Variants in DYNC2I1 observed in about 807,000 individuals in gnomAD.
The protein encoded by DYNC2I1 is dynein 2 intermediate chain 1.
In DYNC2I1, 89 loss-of-function variants were observed where a neutral mutation model predicts 133.4. That is an observed-to-expected ratio of 0.67 (90% confidence interval 0.56 to 0.80). The LOEUF (loss-of-function observed/expected upper bound fraction) is 0.80, where lower values mean the gene tolerates loss of function less well. Among genes scored for constraint, DYNC2I1 ranks in the 30% least tolerant of loss-of-function variants. DYNC2I1 has a pLI of 0.00. For synonymous variants in DYNC2I1, 504 were observed against 484.3 expected, an observed-to-expected ratio of 1.04 and a Z score of -0.54; for missense variants, 1,291 against 1,314.5, an observed-to-expected ratio of 0.98 and a Z score of 0.28.
chr7:158,868,613 G>A (rs555496606), intron 1 of DYNC2I1, among the ~76,000 whole-genome samples: 1 of 152,360 alleles, frequency 6.6e-6, no homozygotes, highest in South Asian at 2.1e-4. Flanking sequence ...CTGAATACAA[G>A]TACAGGGCCC....
chr7:158,881,337 A>G (rs1042367708), intron 5 of DYNC2I1, among the ~76,000 whole-genome samples: 12 of 152,184 alleles, frequency 7.9e-5, no homozygotes, highest in African/African-American at 2.9e-4. Flanking sequence ...ACCCGCGTCT[A>G]CGGTGTGGAA....
upstream of DYNC2I1, among the ~76,000 whole-genome samples, chr7:158,854,602 T>G (rs1247323863): frequency 6.6e-6 from 1 of 152,104 alleles, no homozygotes; most frequent in African/African-American, 2.4e-5. Context: ...GTAACAAACC[T>G]GCACGTTCTG....
At chr7:158,887,506 A>G (rs58381304) in intron 7 of DYNC2I1, among the ~76,000 whole-genome samples, 12,289 of 152,258 alleles carry the variant, frequency 0.081, 767 homozygotes, top group African/African-American at 0.17. Context: ...GAAAGAGACA[A>G]TTAATAATAA....
At chr7:158,946,623 C>T (rs185246454), downstream of DYNC2I1, among the ~76,000 whole-genome samples, 8 of 152,398 alleles carry the variant, frequency 5.2e-5, no homozygotes, top group East Asian at 1.3e-3. Flanking sequence ...TCAAAGGGCC[C>T]TGCCCCTTAA....
chr7:158,844,171 C>T, the DYNC2I1 span, among the ~76,000 whole-genome samples: 1 of 152,204 alleles, frequency 6.6e-6, no homozygotes, highest in Non-Finnish European at 1.5e-5. Context: ...GAAGTTTTCG[C>T]CTGACTCAGT....
intron 14 of DYNC2I1, 58 bp downstream of exon 14, chr7:158,914,379 C>A: frequency 7.5e-7 from 1 of 1,339,986 alleles, no homozygotes; most frequent in Non-Finnish European, 1.0e-6. Flanking sequence ...TTTCATTCTA[C>A]ATAGAAACAT....
chr7:158,839,815 G>T, the DYNC2I1 span, among the ~76,000 whole-genome samples: 13 of 136,756 alleles, frequency 9.5e-5, no homozygotes, highest in African/African-American at 3.6e-4. Context: ...ATGAGACTCC[G>T]TCTCAAAAAA....
intron 1 of DYNC2I1, among the ~76,000 whole-genome samples, chr7:158,857,474 C>T (rs1423131992): frequency 2.6e-5 from 4 of 151,356 alleles, no homozygotes; most frequent in African/African-American, 9.7e-5. Context: ...TTCCCCATCA[C>T]TTACCTTTAT....
chr7:158,932,565 G>C (rs528164838), intron 21 of DYNC2I1, among the ~76,000 whole-genome samples: 1 of 152,126 alleles, frequency 6.6e-6, no homozygotes, highest in Non-Finnish European at 1.5e-5. Flanking sequence ...TCTGTCTGCC[G>C]TGCTAAAGGG....
intron 1 of DYNC2I1, among the ~76,000 whole-genome samples, chr7:158,858,193 ATCT>A (rs1841494022): frequency 1.3e-5 from 2 of 152,194 alleles, no homozygotes; most frequent in Admixed American, 1.3e-4. Context: ...TGACCCTGTC[ATCT>A]TCTATGCTAT....
At chr7:158,847,063 T>C in the DYNC2I1 span, among the ~76,000 whole-genome samples, 1 of 152,258 alleles carries the variant, frequency 6.6e-6, no homozygotes. Context: ...GAAAAGTTAG[T>C]GCTTATCAGA....
At chr7:158,874,562 A>G (rs1214528536) in intron 3 of DYNC2I1, among the ~76,000 whole-genome samples, 1 of 152,078 alleles carries the variant, frequency 6.6e-6, no homozygotes, top group Non-Finnish European at 1.5e-5. Flanking sequence ...TTGAAAACTG[A>G]TCGTAGACTA....
chr7:158,877,676 T>C (rs1400635623), intron 4 of DYNC2I1, among the ~76,000 whole-genome samples: 2 of 152,198 alleles, frequency 1.3e-5, no homozygotes, highest in Non-Finnish European at 2.9e-5. Flanking sequence ...TTACCACTTG[T>C]GTACTTTTGC....
Position 158,898,168 on chromosome 7 carries a change from C to A in DYNC2I1, c.1060-3571C>A, listed in dbSNP as rs1845917373. ...TTTTATGGCCCAGAATATGGGCTAT[C>A]ATGGTGAATTATATGCCAGCTTGAT... On this transcript the variant is annotated intron_variant, in intron 8 of 24. Coordinates refer to ENST00000407559, the MANE Select transcript of DYNC2I1 (RefSeq NM_018051.5). 3.3e-5 allele frequency among the ~76,000 whole-genome samples: 5 copies of A among 152,154 alleles called. No individual in the cohort carries two copies. In the South Asian group the frequency reaches 1.0e-3, roughly 32 times the overall value.
downstream of DYNC2I1, among the ~76,000 whole-genome samples, chr7:158,958,066 T>G (rs2129490634): frequency 6.7e-6 from 1 of 149,420 alleles, no homozygotes; most frequent in Non-Finnish European, 1.5e-5. Context: ...GGTCTGCACC[T>G]GCCCGTCAGC....
chr7:158,900,739 T>TTC (rs1046752218), intron 8 of DYNC2I1, among the ~76,000 whole-genome samples: 9 of 151,642 alleles, frequency 5.9e-5, no homozygotes, highest in African/African-American at 2.2e-4. Flanking sequence ...CTGTTTTTTT[T>TTC]TTTTTTTTTT....
rs1164541059 is a variant in DYNC2I1 at position 158,931,870 on chromosome 7, G to T, written c.2546+1355G>T. On this transcript the variant is annotated intron_variant, in intron 21 of 24. Transcript: ENST00000407559. The stretch of plus-strand genomic sequence containing the variant: ...GAGTAAACATTACGTGATTGCAGGG[G>T]GCGCTCCCTGCTTTCCCAGGAAGAA... Among the ~76,000 whole-genome samples the T allele has an allele frequency of 2.6e-5, 4 of 152,196 alleles. No individual in the cohort carries two copies. The South Asian group carries it at 6.2e-4, about 24-fold the overall frequency.
At chr7:158,866,316 G>C (rs1842398770) in intron 1 of DYNC2I1, among the ~76,000 whole-genome samples, 2 of 151,282 alleles carry the variant, frequency 1.3e-5, no homozygotes, top group African/African-American at 4.9e-5. Context: ...TTGGTGTCCT[G>C]GGCATCCCTT....
upstream of DYNC2I1, among the ~76,000 whole-genome samples, chr7:158,852,324 G>T (rs1309413493): frequency 6.6e-6 from 1 of 151,846 alleles, no homozygotes; most frequent in African/African-American, 2.4e-5. Flanking sequence ...GTTTTACCAT[G>T]TTGGCCAGGC....
Sources: allele counts gnomAD v4.1 joint callset (sites outside exome capture counted in the v4.1 genomes callset), GRCh38; gene constraint gnomAD v4.1.1; transcripts MANE v1.5; gene names NCBI Gene and HGNC (gene_info 2026-07-23, HGNC 2026-07-21).